The following ARIH2 variants were observed in gnomAD, a reference collection of about 807,000 sequenced individuals.
The protein encoded by ARIH2 is ariadne RBR E3 ubiquitin protein ligase 2.
A neutral mutation model predicts 79.8 loss-of-function variants in ARIH2; 12 were observed. The ratio of observed to expected loss-of-function variants is 0.15; its 90% CI spans 0.10 to 0.24. ARIH2 has a LOEUF of 0.24. Among genes scored for constraint, ARIH2 ranks in the 10% least tolerant of loss-of-function variants. ARIH2 has a pLI of 1.00. For missense variants in ARIH2, 301 were observed against 618.3 expected, an observed-to-expected ratio of 0.49 and a Z score of 5.44; for synonymous variants, 224 against 213.9, an observed-to-expected ratio of 1.05 and a Z score of -0.41.
At chr3:48,964,189 C>G (rs2091551494) in intron 4 of ARIH2, among the ~76,000 whole-genome samples, 1 of 151,990 alleles carries the variant, frequency 6.6e-6, no homozygotes, top group Non-Finnish European at 1.5e-5. Flanking sequence ...AGCCAACACT[C>G]CCGGATAGGG....
intron 3 of ARIH2, among the ~76,000 whole-genome samples, chr3:48,938,875 A>G (rs985562498): frequency 8.4e-5 from 12 of 142,504 alleles, no homozygotes; most frequent in Admixed American, 2.9e-4. Context: ...ACAGCTGTAT[A>G]TAGACTAGTC....
Position 48,929,329 on chromosome 3 carries a change from G to A in ARIH2, c.255+1516G>A, listed in dbSNP as rs764519631. 4.0e-5 allele frequency among the ~76,000 whole-genome samples: 6 copies of A among 151,448 alleles called. No individual in the cohort carries two copies. The South Asian group carries it at 1.2e-3, about 32-fold the overall frequency. On this transcript the variant is annotated intron_variant, in intron 3 of 15. Transcript: ENST00000356401. ...CAAGCACCTGTCCGTCCGTCCGTCC[G>A]TCCTTCCTTCCTTCCTTTTTTTTTT...
chr3:48,951,885 T>C (rs1559783753), intron 3 of ARIH2, among the ~76,000 whole-genome samples: 2 of 152,144 alleles, frequency 1.3e-5, no homozygotes, highest in Non-Finnish European at 2.9e-5. Context: ...TAATTTTTGC[T>C]GTTACTTGGA....
At chr3:48,934,529 T>A in intron 3 of ARIH2, 1 of 985,442 alleles carries the variant, frequency 1.0e-6, no homozygotes, top group Non-Finnish European at 1.2e-6. Context: ...CTCTGATTTC[T>A]ATTTTTGTGA....
chr3:48,986,173 T>G lies in ARIH2; in HGVS notation c.*2903T>G, dbSNP rs2092896909. 1 of 152,166 alleles carries G rather than the reference T, an allele frequency of 6.6e-6. No individual in the cohort carries two copies. Among genetic ancestry groups the G allele is most frequent in the Non-Finnish European group, 1.5e-5 (1 of 68,040 alleles). The allele number at this position is 152,166 out of a possible 1,614,324, so 9.4% of individuals were successfully genotyped here. A position where few individuals can be genotyped will look rare whatever the true frequency, so the allele number is the denominator to read the frequency against. ...TGTGGCTAGAAGAGGCCTCATACATTGCCAGTCTGAACTCCGCAGCTCTTC... is the reference window on the plus strand; with the variant it reads ...TGTGGCTAGAAGAGGCCTCATACATGGCCAGTCTGAACTCCGCAGCTCTTC... On this transcript the variant is annotated 3_prime_UTR_variant, in exon 16 of 16. Coordinates refer to ENST00000356401, the MANE Select transcript of ARIH2 (RefSeq NM_006321.4).
At chr3:48,965,824 G>A (rs1414257232) in intron 5 of ARIH2, among the ~76,000 whole-genome samples, 2 of 152,076 alleles carry the variant, frequency 1.3e-5, no homozygotes, top group East Asian at 1.9e-4. Context: ...AGCCAGGCCT[G>A]GTGGCGCATG....
chr3:48,923,768 G>A (rs558382631), intron 2 of ARIH2, among the ~76,000 whole-genome samples: 6 of 152,030 alleles, frequency 3.9e-5, no homozygotes, highest in Admixed American at 3.3e-4. Context: ...TGATCCACCC[G>A]CCTCGGCCTC....
At chr3:48,927,923 C>T in intron 3 of ARIH2, 110 bp downstream of exon 3, 1 of 1,350,372 alleles carries the variant, frequency 7.4e-7, no homozygotes, top group South Asian at 1.4e-5. Flanking sequence ...TAGCTTGAAA[C>T]CAAATTTAAG....
At chr3:48,945,178 A>T (rs2088939013) in intron 3 of ARIH2, 1 of 1,289,668 alleles carries the variant, frequency 7.8e-7, no homozygotes, top group Non-Finnish European at 1.0e-6. Flanking sequence ...TCCCTATGGC[A>T]CTGGTAAGTG....
At chr3:48,936,422 GTTTAAATCT>G (rs1354443526) in intron 3 of ARIH2, among the ~76,000 whole-genome samples, 3 of 152,118 alleles carry the variant, frequency 2.0e-5, no homozygotes, top group Non-Finnish European at 4.4e-5. Context: ...CTTTTATAAA[GTTTAAATCT>G]TTATAAACAT....
chr3:48,956,243 A>G (rs1457339395), intron 3 of ARIH2, among the ~76,000 whole-genome samples: 2 of 151,342 alleles, frequency 1.3e-5, no homozygotes, highest in Admixed American at 6.6e-5. Flanking sequence ...GGTTCAAGCA[A>G]TTCTACTGCC....
chr3:48,951,819 T>G (rs1002187653), intron 3 of ARIH2, among the ~76,000 whole-genome samples: 1 of 152,200 alleles, frequency 6.6e-6, no homozygotes, highest in African/African-American at 2.4e-5. Context: ...TTTTCCTAAT[T>G]GTTCTGTTTT....
At chr3:48,940,808 A>AAAAAAATAT (rs759369585) in intron 3 of ARIH2, among the ~76,000 whole-genome samples, 65 of 98,042 alleles carry the variant, frequency 6.6e-4, no homozygotes, top group African/African-American at 1.5e-3. Flanking sequence ...AAAAAAAAAA[A>AAAAAAATAT]ATATATATAT....
chr3:48,966,414 C>T (rs1272260734), intron 5 of ARIH2, among the ~76,000 whole-genome samples: 2 of 152,162 alleles, frequency 1.3e-5, no homozygotes, highest in Non-Finnish European at 2.9e-5. Flanking sequence ...GATTGTCTTT[C>T]TCTGCCAGTT....
intron 4 of ARIH2, among the ~76,000 whole-genome samples, chr3:48,962,863 G>GC (rs2091413082): frequency 1.3e-5 from 2 of 151,318 alleles, no homozygotes; most frequent in Non-Finnish European, 1.5e-5. Flanking sequence ...CGTATGGTAT[G>GC]TTTTTTTTTA....
chr3:48,974,750 T>G (rs772384390), intron 9 of ARIH2, 67 bp from the exon 10 acceptor site: 197 of 1,543,272 alleles, frequency 1.3e-4, no homozygotes, highest in Non-Finnish European at 1.7e-4. Context: ...GCCAGGAGCT[T>G]TGTGTAATTT....
At chr3:48,959,672 A>G (rs1432354063) in intron 3 of ARIH2, among the ~76,000 whole-genome samples, 2 of 150,658 alleles carry the variant, frequency 1.3e-5, no homozygotes, top group African/African-American at 4.9e-5. Flanking sequence ...AAAAAAAAAA[A>G]AAAGAAAAGA....
rs528680247 is a variant in ARIH2, at chr3:48,920,892, A to C, written c.-161-1856A>C. 1.1e-3 allele frequency among the ~76,000 whole-genome samples: 79 copies of C among 72,382 alleles called. 29 individuals are homozygous for C. Among genetic ancestry groups the C allele is most frequent in the Admixed American group, 3.8e-3 (20 of 5,290 alleles). The allele number at this position is 72,382 out of a possible 152,430, so 47.5% of individuals were successfully genotyped here. On this transcript the variant is annotated intron_variant, in intron 1 of 15. Coordinates refer to ENST00000356401, the MANE Select transcript of ARIH2 (RefSeq NM_006321.4). ...GCACTCCAGCAAGACTCTCAAAAAA[A>C]AAAAAAAAGAAAGAAAAGAAAAGAA...
chr3:48,948,385 C>T (rs1054984265), intron 3 of ARIH2, among the ~76,000 whole-genome samples: 1 of 152,206 alleles, frequency 6.6e-6, no homozygotes, highest in African/African-American at 2.4e-5. Context: ...TCTCCTGACT[C>T]AGCCTCTGAA....
Sources: gnomAD v4.1 joint callset for allele counts (sites outside exome capture counted in the v4.1 genomes callset) on GRCh38, gnomAD v4.1.1 for gene constraint, MANE v1.5 for transcripts, NCBI Gene and HGNC (gene_info 2026-07-23, HGNC 2026-07-21) for gene names.